The following UGCG variants were observed in gnomAD, a reference collection of about 807,000 sequenced individuals.
The protein encoded by UGCG is ceramide glucosyltransferase.
In UGCG, 10 loss-of-function variants were observed where a neutral mutation model predicts 49.5. The observed-to-expected ratio is 0.20, with a 90% CI of 0.12 to 0.34. The LOEUF (loss-of-function observed/expected upper bound fraction) is 0.34, where lower values mean the gene tolerates loss of function less well. Ranked by LOEUF, UGCG falls within the 10% of genes least tolerant of loss-of-function variation. The pLI is 1.00. For synonymous variants in UGCG, 182 were observed against 158.2 expected (o/e 1.15, Z -1.13); for missense variants, 312 against 483.7 (o/e 0.65, Z 3.33).
chr9:111,929,420 AC>A (rs953913512), intron 5 of UGCG, 79 bp from the exon 6 acceptor site: 19 of 1,431,668 alleles, frequency 1.3e-5, no homozygotes, highest in Non-Finnish European at 1.8e-5. Context: ...TTATAAAAAA[AC>A]CATTGGGAAA....
rs1838463070 is a variant in UGCG at position 111,933,445 on chromosome 9, A to T, written c.*448A>T. ...TAGAAGGAATGACTATTCATGTCCA[A>T]AGTGAATGGTTTTGTGCAGTGAACA... On this transcript the variant is annotated 3_prime_UTR_variant, in exon 9 of 9. Transcript: ENST00000374279. The T allele has an allele frequency of 6.6e-6, 1 of 152,214 alleles. No homozygotes were observed. The highest frequency in any genetic ancestry group is 2.4e-5 in the African/African-American group (1 of 41,444). 9.4% of individuals were successfully genotyped at this position (152,214 alleles called of 1,614,324 possible). A position where few individuals can be genotyped will look rare whatever the true frequency, so the allele number is the denominator to read the frequency against.
intron 7 of UGCG, among the ~76,000 whole-genome samples, chr9:111,931,626 C>T (rs1268762321): frequency 3.9e-5 from 6 of 152,060 alleles, no homozygotes; most frequent in African/African-American, 2.4e-5. Context: ...ACTTTCTGTG[C>T]TGATTAAATT....
intron 1 of UGCG, 24 bp from the exon 2 acceptor site, chr9:111,914,581 A>C (rs543675891): frequency 2.5e-6 from 4 of 1,609,916 alleles, no homozygotes; most frequent in Admixed American, 3.4e-5. Context: ...TATAGAAATA[A>C]TTTTTATATC....
In UGCG at chr9:111,933,829, C is replaced by T. The variant is rs2118613534; in HGVS notation, c.*832C>T. Reference sequence around the variant, plus strand: ...CCTTCCTTGCTCCTCCCCCAGCCCACCCCGTCTTCCCTTAACATTTTTTCA... The same window carrying T: ...CCTTCCTTGCTCCTCCCCCAGCCCATCCCGTCTTCCCTTAACATTTTTTCA... On this transcript the variant is annotated 3_prime_UTR_variant, in exon 9 of 9. Transcript: ENST00000374279. The T allele has an allele frequency of 6.6e-6, 1 of 152,244 alleles. No homozygotes were observed. Among genetic ancestry groups the T allele is most frequent in the East Asian group, 1.9e-4 (1 of 5,182 alleles). 9.4% of individuals were successfully genotyped at this position (152,244 alleles called of 1,614,324 possible). A position where few individuals can be genotyped will look rare whatever the true frequency, so the allele number is the denominator to read the frequency against.
At chr9:111,902,121 T>C (rs749013554) in intron 1 of UGCG, among the ~76,000 whole-genome samples, 1 of 152,218 alleles carries the variant, frequency 6.6e-6, no homozygotes, top group Non-Finnish European at 1.5e-5. Flanking sequence ...CCTTCTTTCC[T>C]TCCAAAAATC....
chr9:111,907,960 T>C (rs1293440459), intron 1 of UGCG, among the ~76,000 whole-genome samples: 1 of 152,182 alleles, frequency 6.6e-6, no homozygotes, highest in Non-Finnish European at 1.5e-5. Context: ...GGAATCACTG[T>C]CTTCCTTTGC....
chr9:111,930,664 T>G (rs1838410272), intron 6 of UGCG, among the ~76,000 whole-genome samples: 1 of 151,808 alleles, frequency 6.6e-6, no homozygotes, highest in South Asian at 2.1e-4. Context: ...GAGGCGGGGT[T>G]TCACCATGTT....
chr9:111,928,439 C>T (rs547808938), intron 5 of UGCG, among the ~76,000 whole-genome samples: 1 of 152,224 alleles, frequency 6.6e-6, no homozygotes, highest in South Asian at 2.1e-4. Flanking sequence ...ACACCCATTG[C>T]CTTAGTGTAG....
At chr9:111,925,252 ATAGG>A (rs368185251) in intron 4 of UGCG, among the ~76,000 whole-genome samples, 1 of 152,348 alleles carries the variant, frequency 6.6e-6, no homozygotes, top group African/African-American at 2.4e-5. Flanking sequence ...ACAGAAATTA[ATAGG>A]TGCATATTTT....
chr9:111,915,663 T>G lies in UGCG; in HGVS notation c.240+917T>G, dbSNP rs571176162. The G allele has an allele frequency of 6.6e-5, 33 of 497,610 alleles. 1 individual carries two copies. The highest frequency in any genetic ancestry group is 1.3e-4 in the Admixed American group (2 of 15,628). 30.8% of individuals were successfully genotyped at this position (497,610 alleles called of 1,614,324 possible). A position where few individuals can be genotyped will look rare whatever the true frequency, so the allele number is the denominator to read the frequency against. ...GGGAGAGTCGTCCCTCTTAATTTTT[T>G]TGGACAGGGTAGCTCAAATAATCAG... On this transcript the variant is annotated intron_variant, in intron 2 of 8. Coordinates refer to ENST00000374279, the MANE Select transcript of UGCG (RefSeq NM_003358.3).
At chr9:111,911,164 C>T (rs1008606050) in intron 1 of UGCG, among the ~76,000 whole-genome samples, 1 of 152,092 alleles carries the variant, frequency 6.6e-6, no homozygotes, top group East Asian at 1.9e-4. Context: ...CCAGATTTAC[C>T]CAAGGCTCTC....
chr9:111,926,655 T>C (rs1243029547), intron 5 of UGCG, among the ~76,000 whole-genome samples, 159 bp downstream of exon 5: 1 of 152,000 alleles, frequency 6.6e-6, no homozygotes, highest in Non-Finnish European at 1.5e-5. Flanking sequence ...GAGCAGCTGT[T>C]TTCATTAGTG....
chr9:111,901,558 C>T (rs1055774460), intron 1 of UGCG, among the ~76,000 whole-genome samples: 1 of 152,058 alleles, frequency 6.6e-6, no homozygotes, highest in Non-Finnish European at 1.5e-5. Flanking sequence ...GGGAGAGCAT[C>T]AAGAAGAATA....
At position 111,922,929 on chromosome 9, in the gene UGCG, T is replaced by C. The variant is rs1399532251; in HGVS notation, c.321T>C (p.Asn107=). Reference sequence around the variant, plus strand: ...AGAAGCTTCTTGGAAAATATCCAAATGTTGATGCTAGATTGTTTATAGGTA... The same window carrying C: ...AGAAGCTTCTTGGAAAATATCCAAACGTTGATGCTAGATTGTTTATAGGTA... ...VCKKLLGKYP[N]VDARLFIGGK... The change falls in exon 3 of 9, where the codon AAT becomes AAC. Residue 107 remains asparagine, a synonymous_variant. Coordinates refer to ENST00000374279, the MANE Select transcript of UGCG (RefSeq NM_003358.3). 5.6e-6 allele frequency: 9 copies of C among 1,612,338 alleles called. No individual in the cohort carries two copies. The highest frequency in any genetic ancestry group is 3.3e-5 in the Admixed American group (2 of 59,872).
chr9:111,931,271 A>G lies in UGCG; in HGVS notation c.738A>G (p.Arg246=). 1.9e-6 allele frequency: 3 copies of G among 1,612,692 alleles called. No homozygotes were observed. The highest frequency in any genetic ancestry group is 2.5e-6 in the Non-Finnish European group (3 of 1,179,436). The change falls in exon 7 of 9, where the codon CGA becomes CGG. Residue 246 remains arginine, a splice_region_variant and synonymous_variant. Transcript: ENST00000374279. The stretch of plus-strand genomic sequence containing the variant: ...ATTTTCTAATTATCTTAATTTTCAG[A>G]GGTTGGAGGTTTGCAATGTCCACTC... ...DYFMAKAIAD[R]GWRFAMSTQV...
chr9:111,901,221 C>T (rs1257762801), intron 1 of UGCG, among the ~76,000 whole-genome samples: 1 of 152,204 alleles, frequency 6.6e-6, no homozygotes, highest in Non-Finnish European at 1.5e-5. Context: ...AACTACCCGT[C>T]AAAAACTGGT....
At chr9:111,913,936 A>G (rs1838065515) in intron 1 of UGCG, among the ~76,000 whole-genome samples, 1 of 152,000 alleles carries the variant, frequency 6.6e-6, no homozygotes. Flanking sequence ...TACCCCTGCC[A>G]TTCTGACCTT....
At chr9:111,912,651 C>T (rs751019839) in intron 1 of UGCG, among the ~76,000 whole-genome samples, 14 of 152,192 alleles carry the variant, frequency 9.2e-5, no homozygotes, top group Middle Eastern at 3.4e-3. Context: ...AAATAAATTG[C>T]TGATCACATG....
intron 2 of UGCG, among the ~76,000 whole-genome samples, chr9:111,921,622 A>G (rs6477860): frequency 0.44 from 65,519 of 148,812 alleles, 15,624 homozygotes; most frequent in African/African-American, 0.64. Context: ...CTGCACTCCA[A>G]CCTGGGTGAC....
Sources: gnomAD v4.1 joint callset for allele counts (sites outside exome capture counted in the v4.1 genomes callset) on GRCh38, gnomAD v4.1.1 for gene constraint, MANE v1.5 for transcripts, NCBI Gene and HGNC (gene_info 2026-07-23, HGNC 2026-07-21) for gene names.